The following DNAH17 variants were observed in gnomAD, a reference collection of about 807,000 sequenced individuals.
The protein encoded by DNAH17 is axonemal beta dynein heavy chain 17.
Under a neutral mutation model 485.6 loss-of-function variants are expected in DNAH17, and 376 were observed. That is an observed-to-expected ratio of 0.77 (90% CI 0.71 to 0.84). The LOEUF (loss-of-function observed/expected upper bound fraction) is 0.84. Among genes scored for constraint, DNAH17 ranks in the 40% least tolerant of loss-of-function variants. DNAH17 has a pLI of 0.00. For synonymous variants in DNAH17, 3,031 were observed against 2,405.9 expected, an observed-to-expected ratio of 1.26 and a Z score of -7.60; for missense variants, 6,370 against 5,839.3, an observed-to-expected ratio of 1.09 and a Z score of -2.96.
intron 60 of DNAH17, among the ~76,000 whole-genome samples, chr17:78,459,482 G>A (rs1382350707): frequency 1.3e-5 from 2 of 152,226 alleles, no homozygotes; most frequent in African/African-American, 4.8e-5. Context: ...TGACGTGGCA[G>A]GTGTTACATT....
chr17:78,439,284 C>T (rs2086976715), intron 72 of DNAH17, 67 bp from the exon 73 acceptor site: 2 of 1,507,664 alleles, frequency 1.3e-6, no homozygotes, highest in Admixed American at 4.3e-5. Context: ...GCTCTGTGAT[C>T]TACAGCCAGG....
At position 78,558,109 on chromosome 17, in the gene DNAH17, T is replaced by C. The variant is rs1244012864; in HGVS notation, c.2177A>G (p.Glu726Gly). ...AATAGTACCGACTCACCAACTCACCTCATTATACCAGCCAACGATGAGCTC... is the reference window on the plus strand; with the variant it reads ...AATAGTACCGACTCACCAACTCACCCCATTATACCAGCCAACGATGAGCTC... Reference protein sequence around the residue: ...NLELIVGWYNEIKTIVKAVEF... With the variant: ...NLELIVGWYNGIKTIVKAVEF... The change falls in exon 14 of 81, where the codon GAG (glutamate) becomes GGG (glycine). Residue 726 changes from glutamate to glycine, a missense_variant and splice_region_variant. Transcript: ENST00000389840. 6.2e-7 allele frequency: 1 copy of C among 1,612,402 alleles called. No homozygotes were observed. Among genetic ancestry groups the C allele is most frequent in the Non-Finnish European group, 8.5e-7 (1 of 1,179,374 alleles).
chr17:78,424,190 C>A (rs1026695847), intron 80 of DNAH17, 37 bp from the exon 81 acceptor site: 7 of 1,577,476 alleles, frequency 4.4e-6, no homozygotes, highest in Non-Finnish European at 4.3e-6. Flanking sequence ...AGGTGTGCTG[C>A]CAGTAAGTGA....
intron 58 of DNAH17, 85 bp downstream of exon 58, chr17:78,461,459 G>A: frequency 7.4e-7 from 1 of 1,349,246 alleles, no homozygotes; most frequent in Non-Finnish European, 9.7e-7. Context: ...ACGCCTGTCG[G>A]TGGCACCTGA....
chr17:78,495,229 T>C (rs1439644681), intron 38 of DNAH17, 132 bp from the exon 39 acceptor site: 2 of 1,206,274 alleles, frequency 1.7e-6, no homozygotes, highest in East Asian at 5.2e-5. Context: ...GAACCTTCGG[T>C]CCTGGAGCCG....
intron 44 of DNAH17, 24 bp downstream of exon 44, chr17:78,490,675 C>A: frequency 6.3e-7 from 1 of 1,591,600 alleles, no homozygotes; most frequent in Non-Finnish European, 8.6e-7. Flanking sequence ...AGGTTTGGAA[C>A]AGGAAAGCCA....
Position 78,435,951 on chromosome 17 carries a change from GCTTTTT to G in DNAH17, c.12033+1684_12033+1689del, listed in dbSNP as rs138458461. On this transcript the variant is annotated intron_variant, in intron 74 of 80. Transcript: ENST00000389840. ...ACCTATTTTAAACATTTGTTTTTCT[GCTTTTT>G]CTTTTACTTTCACACTTTGACAAGG... 6.6e-3 allele frequency among the ~76,000 whole-genome samples: 1,006 copies of G among 152,296 alleles called. 10 individuals carry two copies. Among genetic ancestry groups the G allele is most frequent in the African/African-American group, 0.022 (914 of 41,556 alleles).
rs74001325 is a variant in DNAH17 at position 78,432,886 on chromosome 17, A to G, written c.12225+1143T>C. On this transcript the variant is annotated intron_variant, in intron 75 of 80. Transcript: ENST00000389840. Reference sequence around the variant, plus strand: ...GGAGGTCTCAGTGAATGAGTAGCAGAGCAGGCTTCAAACGTGCCCCCCCCC... The same window carrying G: ...GGAGGTCTCAGTGAATGAGTAGCAGGGCAGGCTTCAAACGTGCCCCCCCCC... 3.0e-3 allele frequency among the ~76,000 whole-genome samples: 416 copies of G among 137,492 alleles called. 2 individuals are homozygous for G. The highest frequency in any genetic ancestry group is 0.011 in the African/African-American group (398 of 34,682). 90.2% of individuals were successfully genotyped at this position (137,492 alleles called of 152,430 possible).
At chr17:78,553,298 T>G (rs1455083248) in intron 14 of DNAH17, among the ~76,000 whole-genome samples, 1 of 55,862 alleles carries the variant, frequency 1.8e-5, no homozygotes, top group Non-Finnish European at 3.8e-5. Context: ...TTTTTTTTTT[T>G]TTTTTTTTTT....
chr17:78,456,099 T>TA (rs2087786411), intron 62 of DNAH17, among the ~76,000 whole-genome samples: 1 of 151,970 alleles, frequency 6.6e-6, no homozygotes, highest in African/African-American at 2.4e-5. Flanking sequence ...AGGGGGTCGA[T>TA]ACCAGCCTGG....
intron 75 of DNAH17, among the ~76,000 whole-genome samples, chr17:78,431,424 G>A (rs1047577369): frequency 4.8e-5 from 7 of 146,986 alleles, no homozygotes; most frequent in African/African-American, 1.8e-4. Context: ...AGTGCTGTCT[G>A]CATTTCCCGT....
intron 16 of DNAH17, among the ~76,000 whole-genome samples, chr17:78,547,957 C>T (rs1213048669): frequency 1.3e-5 from 2 of 152,064 alleles, no homozygotes; most frequent in East Asian, 1.9e-4. Flanking sequence ...TTATGTTGTT[C>T]GTCTCCCTCA....
chr17:78,427,239 C>T (rs1452951767), intron 77 of DNAH17, 131 bp from the exon 78 acceptor site: 8 of 885,228 alleles, frequency 9.0e-6, no homozygotes, highest in Non-Finnish European at 1.4e-5. Flanking sequence ...AGTAGAGTTG[C>T]CAGAAATGCA....
chr17:78,486,613 GC>G (rs1378662612), intron 44 of DNAH17, 107 bp from the exon 45 acceptor site: 1 of 1,357,194 alleles, frequency 7.4e-7, no homozygotes, highest in Admixed American at 2.6e-5. Context: ...TGCTGGGGCT[GC>G]CCTCAGGGTC....
rs371437695 is a variant in DNAH17, at chr17:78,483,326, T to G, written c.7649+1542A>C. 2.4e-4 allele frequency among the ~76,000 whole-genome samples: 37 copies of G among 152,300 alleles called. No individual in the cohort carries two copies. In the South Asian group the frequency reaches 7.7e-3, roughly 32 times the overall value. On this transcript the variant is annotated intron_variant, in intron 48 of 80. Coordinates refer to ENST00000389840, the MANE Select transcript of DNAH17 (RefSeq NM_173628.4). The stretch of plus-strand genomic sequence containing the variant: ...AAGGCAAGTGATGGAGTCAGACATA[T>G]CTGAACTCAAAATCCAGTTCTGGCT...
At chr17:78,490,308 C>G (rs981570842) in intron 44 of DNAH17, among the ~76,000 whole-genome samples, 1 of 152,218 alleles carries the variant, frequency 6.6e-6, no homozygotes, top group Non-Finnish European at 1.5e-5. Flanking sequence ...CCCCACCATG[C>G]CCTGTGAACG....
At chr17:78,470,364 A>G (rs1446227657) in intron 54 of DNAH17, among the ~76,000 whole-genome samples, 2 of 148,720 alleles carry the variant, frequency 1.3e-5, no homozygotes, top group Middle Eastern at 3.2e-3. Flanking sequence ...CACCGTGCCC[A>G]GCCGAAAATG....
rs144236018 is a variant in DNAH17, at chr17:78,455,849, G to T, written c.9978-13C>A. On this transcript the variant is annotated splice_polypyrimidine_tract_variant and intron_variant, in intron 62 of 80. Transcript: ENST00000389840. ...TCCCCCGACCAGCCTAAAGTGGGAT[G>T]AGAGAGAATAAAACATATTTGCACA... The T allele has an allele frequency of 4.0e-4, 626 of 1,576,232 alleles. 3 individuals are homozygous for T. The African/African-American group carries it at 7.7e-3, about 19-fold the overall frequency.
intron 70 of DNAH17, 147 bp from the exon 71 acceptor site, chr17:78,444,944 C>A: frequency 1.2e-6 from 1 of 809,646 alleles, no homozygotes; most frequent in Non-Finnish European, 1.8e-6. Flanking sequence ...GGCTGGCCAC[C>A]AAAGCAGGAG....
Sources: allele counts gnomAD v4.1 joint callset (sites outside exome capture counted in the v4.1 genomes callset), GRCh38; gene constraint gnomAD v4.1.1; transcripts MANE v1.5; gene names NCBI Gene and HGNC (gene_info 2026-07-23, HGNC 2026-07-21).